Variants in FAR2 observed in about 807,000 individuals in gnomAD.
FAR2 encodes the protein epididymis secretory protein Li 81.
In FAR2, 19 loss-of-function variants were observed where a neutral mutation model predicts 56.0. The observed-to-expected ratio is 0.34, with a 90% CI of 0.24 to 0.50. The LOEUF (loss-of-function observed/expected upper bound fraction) is 0.50. Among genes scored for constraint, FAR2 ranks in the 20% least tolerant of loss-of-function variants. The probability of loss-of-function intolerance (pLI) is 0.98; values close to 1 mark genes in which losing one functional copy is unlikely to be tolerated. For missense variants in FAR2, 508 were observed against 642.2 expected, an observed-to-expected ratio of 0.79 and a Z score of 2.26; for synonymous variants, 219 against 218.8, an observed-to-expected ratio of 1.00 and a Z score of -0.01.
At position 29,239,452 on chromosome 12, in the gene FAR2, CTG is replaced by C. The variant is rs34821915; in HGVS notation, c.-38-30930_-38-30929del. The stretch of plus-strand genomic sequence containing the variant: ...AATGTGCCACAGCTAAATGAATCAA[CTG>C]TGTGTGTGTGTGTGTGTGTGTGTGT... On this transcript the variant is annotated intron_variant, in intron 1 of 11. Coordinates refer to ENST00000536681, the MANE Select transcript of FAR2 (RefSeq NM_001271783.2). 5.0e-3 allele frequency among the ~76,000 whole-genome samples: 743 copies of C among 147,926 alleles called. 8 individuals are homozygous for C. The highest frequency in any genetic ancestry group is 0.017 in the African/African-American group (667 of 40,250).
chr12:29,332,335 T>C (rs1384033102), intron 10 of FAR2, among the ~76,000 whole-genome samples: 1 of 152,242 alleles, frequency 6.6e-6, no homozygotes, highest in African/African-American at 2.4e-5. Context: ...TTCACCAGAC[T>C]ATGTAATACT....
In FAR2 at chr12:29,239,452, C is replaced by CTGTGTGTGTGTGTGTG. The variant is rs34821915; in HGVS notation, c.-38-30944_-38-30929dup. On this transcript the variant is annotated intron_variant, in intron 1 of 11. Coordinates refer to ENST00000536681, the MANE Select transcript of FAR2 (RefSeq NM_001271783.2). The stretch of plus-strand genomic sequence containing the variant: ...AATGTGCCACAGCTAAATGAATCAA[C>CTGTGTGTGTGTGTGTG]TGTGTGTGTGTGTGTGTGTGTGTGT... Among the ~76,000 whole-genome samples the CTGTGTGTGTGTGTGTG allele has an allele frequency of 3.9e-3, 582 of 147,934 alleles. 7 individuals are homozygous for CTGTGTGTGTGTGTGTG. Among genetic ancestry groups the CTGTGTGTGTGTGTGTG allele is most frequent in the East Asian group, 0.03 (148 of 4,992 alleles).
At chr12:29,221,608 A>G (rs1260634270) in intron 1 of FAR2, among the ~76,000 whole-genome samples, 1 of 151,432 alleles carries the variant, frequency 6.6e-6, no homozygotes, top group Non-Finnish European at 1.5e-5. Context: ...CAAGTTTGTC[A>G]AATTATTTTA....
At chr12:29,311,666 T>TCACACACACA (rs61236613) in intron 7 of FAR2, among the ~76,000 whole-genome samples, 5,430 of 147,436 alleles carry the variant, frequency 0.037, 205 homozygotes, top group African/African-American at 0.081. Context: ...AACATCTCTT[T>TCACACACACA]CACACACACA....
At chr12:29,317,371 T>A (rs1343575775) in intron 9 of FAR2, among the ~76,000 whole-genome samples, 1 of 152,206 alleles carries the variant, frequency 6.6e-6, no homozygotes, top group Non-Finnish European at 1.5e-5. Context: ...ATGAATTTTG[T>A]GTTTAGACAT....
intron 1 of FAR2, among the ~76,000 whole-genome samples, chr12:29,170,161 C>G (rs1009323836): frequency 1.3e-5 from 2 of 152,314 alleles, no homozygotes; most frequent in African/African-American, 4.8e-5. Context: ...TTTGAGCAGA[C>G]CAGTTGTTAG....
chr12:29,230,137 G>T (rs79434752), intron 1 of FAR2, among the ~76,000 whole-genome samples: 339 of 152,186 alleles, frequency 2.2e-3, no homozygotes, highest in Admixed American at 5.4e-3. Context: ...ATAAACAGAT[G>T]ACAGATAAAC....
intron 1 of FAR2, among the ~76,000 whole-genome samples, chr12:29,234,361 A>G (rs1019906082): frequency 6.6e-6 from 1 of 152,178 alleles, no homozygotes; most frequent in African/African-American, 2.4e-5. Context: ...TATCTTAAGC[A>G]GAAACCAGGA....
At position 29,321,849 on chromosome 12, in the gene FAR2, C is replaced by A. The variant is rs1298843090; in HGVS notation, c.1182C>A (p.Phe394Leu). 1 of 1,613,776 alleles carries A rather than the reference C, an allele frequency of 6.2e-7. No homozygotes were observed. The highest frequency in any genetic ancestry group is 2.2e-5 in the East Asian group (1 of 44,876). ...LLRTVSMLEY[F>L]INRSWEWSTY... ...GAACTGTTTCCATGTTGGAGTATTT[C>A]ATCAACCGGAGTTGGGAATGGAGCA... Residue 394 changes from phenylalanine (F) to leucine (L), a missense_variant, in exon 10 of 12, where the codon TTC becomes TTA. By Grantham distance (22) the Phe-to-Leu change is conservative. Transcript: ENST00000536681.
chr12:29,256,280 T>C (rs1051310618), intron 1 of FAR2, among the ~76,000 whole-genome samples: 1 of 152,162 alleles, frequency 6.6e-6, no homozygotes, highest in Non-Finnish European at 1.5e-5. Flanking sequence ...CTTGAACTCC[T>C]GGGCCCAAGG....
chr12:29,295,787 A>G (rs1019678317), intron 3 of FAR2, among the ~76,000 whole-genome samples: 1 of 100,808 alleles, frequency 9.9e-6, no homozygotes. Flanking sequence ...TTTGAGACGG[A>G]GTCTCGCTCT....
intron 2 of FAR2, chr12:29,282,116 C>T (rs922328173): frequency 1.3e-5 from 2 of 152,126 alleles, no homozygotes; most frequent in Admixed American, 1.3e-4. Flanking sequence ...CCTTTACCCC[C>T]TCCCCCATAT....
rs1949216755 is a variant in FAR2, at chr12:29,303,965, TAAAAGTCTTGAGGG to T, written c.546-3689_546-3676del. Among the ~76,000 whole-genome samples, 6 of 152,314 alleles carry T rather than the reference TAAAAGTCTTGAGGG, an allele frequency of 3.9e-5. No homozygotes were observed. The South Asian group carries it at 1.2e-3, about 32-fold the overall frequency. On this transcript the variant is annotated intron_variant, in intron 4 of 11. Coordinates refer to ENST00000536681, the MANE Select transcript of FAR2 (RefSeq NM_001271783.2). ...TGTTTGAGCCTGGCTAGGTGCTCCGTAAAAGTCTTGAGGGAAATACAGAGGCCAATTCTCCATAA... is the reference window on the plus strand; with the variant it reads ...TGTTTGAGCCTGGCTAGGTGCTCCGTAAATACAGAGGCCAATTCTCCATAA...
chr12:29,172,511 C>A (rs2136588642), intron 1 of FAR2, among the ~76,000 whole-genome samples: 1 of 152,326 alleles, frequency 6.6e-6, no homozygotes, highest in Non-Finnish European at 1.5e-5. Flanking sequence ...ATGACTAAGG[C>A]TGCAGCCTTC....
intron 2 of FAR2, 161 bp from the exon 3 acceptor site, chr12:29,293,139 T>C (rs1949000253): frequency 3.7e-6 from 2 of 534,874 alleles, no homozygotes; most frequent in Non-Finnish European, 6.2e-6. Flanking sequence ...AGTGCTGAGA[T>C]TACAGGCATA....
At chr12:29,321,644 T>C in intron 9 of FAR2, 151 bp from the exon 10 acceptor site, 2 of 853,518 alleles carry the variant, frequency 2.3e-6, no homozygotes, top group South Asian at 2.0e-5. Flanking sequence ...AGAGAGTTAA[T>C]GTGGAAGGAG....
rs369316371 is a variant in FAR2, at chr12:29,170,361, A to G, written c.-39+20954A>G. The stretch of plus-strand genomic sequence containing the variant: ...CCCTGTTAGGAAACCTGCTGGGTTA[A>G]GGATTTTTGTTAGGAAGGCTATGGG... On this transcript the variant is annotated intron_variant, in intron 1 of 11. Transcript: ENST00000536681. Among the ~76,000 whole-genome samples, 16 of 152,330 alleles carry G rather than the reference A, an allele frequency of 1.1e-4. No homozygotes were observed. The East Asian group carries it at 1.9e-3, about 18-fold the overall frequency.
At chr12:29,320,547 C>T (rs1047881414) in intron 9 of FAR2, among the ~76,000 whole-genome samples, 3 of 152,124 alleles carry the variant, frequency 2.0e-5, no homozygotes, top group African/African-American at 7.2e-5. Flanking sequence ...ACCAAATCCC[C>T]ACAATAGCAT....
chr12:29,188,264 G>A (rs1227837351), intron 1 of FAR2, among the ~76,000 whole-genome samples: 1 of 152,012 alleles, frequency 6.6e-6, no homozygotes, highest in Non-Finnish European at 1.5e-5. Flanking sequence ...GTATTTTAGT[G>A]AGGTCCATAA....
Sources: gnomAD v4.1 joint callset for allele counts (sites outside exome capture counted in the v4.1 genomes callset) on GRCh38, gnomAD v4.1.1 for gene constraint, MANE v1.5 for transcripts, NCBI Gene and HGNC (gene_info 2026-07-23, HGNC 2026-07-21) for gene names.